Variants in CCDC92 observed in about 807,000 individuals in gnomAD.
The protein encoded by CCDC92 is coiled-coil domain-containing protein 92.
Under a neutral mutation model 24.9 loss-of-function variants are expected in CCDC92, and 12 were observed. That is an observed-to-expected ratio of 0.48 (90% CI 0.31 to 0.78). The LOEUF (loss-of-function observed/expected upper bound fraction) is 0.78, where lower values mean the gene tolerates loss of function less well. CCDC92 is among the 30% of genes least tolerant of loss of function. The pLI, the probability that CCDC92 is intolerant of heterozygous loss-of-function variation, is 0.05. For missense variants in CCDC92, 399 were observed against 439.4 expected (o/e 0.91, Z 0.82); for synonymous variants, 193 against 196.3 (o/e 0.98, Z 0.14).
intron 1 of CCDC92, among the ~76,000 whole-genome samples, chr12:123,957,489 G>A (rs1288358235): frequency 6.6e-6 from 1 of 152,180 alleles, no homozygotes; most frequent in African/African-American, 2.4e-5. Context: ...TGTGATCACT[G>A]CACTGTAAAG....
intron 1 of CCDC92, among the ~76,000 whole-genome samples, chr12:123,957,320 A>T (rs955725551): frequency 6.6e-6 from 1 of 152,224 alleles, no homozygotes; most frequent in Non-Finnish European, 1.5e-5. Flanking sequence ...TTGACTTCCC[A>T]GTTTTCAGAA....
intron 4 of CCDC92, among the ~76,000 whole-genome samples, chr12:123,938,835 C>T (rs1955602216): frequency 6.6e-6 from 1 of 152,136 alleles, no homozygotes; most frequent in Non-Finnish European, 1.5e-5. Flanking sequence ...GATGCAGTCG[C>T]CATCCCTGGC....
intron 4 of CCDC92, among the ~76,000 whole-genome samples, chr12:123,938,453 T>G (rs990080411): frequency 6.6e-6 from 1 of 152,008 alleles, no homozygotes; most frequent in Non-Finnish European, 1.5e-5. Flanking sequence ...GCCCTAACAC[T>G]TCGGGCCTCT....
rs891544062 is a variant in CCDC92 at position 123,936,738 on chromosome 12, G to C, written c.*320C>G. 4.2e-6 allele frequency: 2 copies of C among 479,974 alleles called. No individual in the cohort carries two copies. The highest frequency in any genetic ancestry group is 3.9e-5 in the African/African-American group (2 of 50,998). 29.7% of individuals were successfully genotyped at this position (479,974 alleles called of 1,614,324 possible). A position where few individuals can be genotyped will look rare whatever the true frequency, so the allele number is the denominator to read the frequency against. ...TTGAGAATGAATTAGGTGTGTGACT[G>C]TGTGGCATCGTGAACATCAGTAGTG... On this transcript the variant is annotated 3_prime_UTR_variant, in exon 5 of 5. Coordinates refer to ENST00000238156, the MANE Select transcript of CCDC92 (RefSeq NM_025140.3).
chr12:123,968,875 G>C (rs1196089499), intron 1 of CCDC92, among the ~76,000 whole-genome samples: 1 of 152,224 alleles, frequency 6.6e-6, no homozygotes, highest in Non-Finnish European at 1.5e-5. Flanking sequence ...CATTTAAAAA[G>C]TTAAGTCCAT....
rs1304371472 is a variant in CCDC92, at chr12:123,944,278, C to T, written c.28G>A (p.Asp10Asn). 16 of 1,593,360 alleles carry T rather than the reference C, an allele frequency of 1.0e-5. No individual in the cohort carries two copies. Among genetic ancestry groups the T allele is most frequent in the African/African-American group, 2.7e-5 (2 of 73,604 alleles). Residue 10 changes from aspartate (D) to asparagine (N), a missense_variant, in exon 2 of 5, where the codon GAT (aspartate) becomes AAT (asparagine). By Grantham distance (23) the Asp-to-Asn change is conservative. Transcript: ENST00000238156. MTSPHFSSYDEGPLDVSMAA... is the reference protein window; with the variant it reads MTSPHFSSYNEGPLDVSMAA... ...TCAGGGCCCCAGACTCTACCTTCAT[C>T]GTAACTCGAGAAATGTGGTGAAGTC...
Position 123,937,354 on chromosome 12 carries a change from G to A in CCDC92, c.700C>T (p.Arg234Trp), listed in dbSNP as rs1460952697. The A allele has an allele frequency of 6.8e-6, 11 of 1,613,964 alleles. No homozygotes were observed. Among genetic ancestry groups the A allele is most frequent in the South Asian group, 1.1e-5 (1 of 91,082 alleles). ...TCGGGCATAGCATCCACTGGTTCCC[G>A]CAAAAGGAGTTTCCTGCTCTCTGCC... ...FGAESRKLLL[R>W]EPVDAMPDPT... Residue 234 changes from arginine to tryptophan, a missense_variant, in exon 5 of 5, where the codon CGG (arginine) becomes TGG (tryptophan). By Grantham distance (101) the Arg-to-Trp change is moderately radical (BLOSUM62 -3). Coordinates refer to ENST00000238156, the MANE Select transcript of CCDC92 (RefSeq NM_025140.3). The surrounding 1 kb of genome is among the most constrained non-coding windows in gnomAD (Gnocchi z 8.4).
intron 1 of CCDC92, among the ~76,000 whole-genome samples, chr12:123,951,516 G>C (rs533168599): frequency 7.9e-5 from 12 of 152,230 alleles, no homozygotes; most frequent in Non-Finnish European, 1.5e-4. Flanking sequence ...CTGTGAATGA[G>C]TTATAACAAG....
Position 123,942,787 on chromosome 12 carries a change from T to A in CCDC92, c.182-2A>T. 6.2e-7 allele frequency: 1 copy of A among 1,606,380 alleles called. No homozygotes were observed. The highest frequency in any genetic ancestry group is 8.5e-7 in the Non-Finnish European group (1 of 1,172,886). On this transcript the variant is annotated splice_acceptor_variant, in intron 3 of 4. Coordinates refer to ENST00000238156, the MANE Select transcript of CCDC92 (RefSeq NM_025140.3). LOFTEE classifies it high-confidence loss of function. Reference sequence around the variant, plus strand: ...TGACTGTCAGCTCATATGTTAAATCTAAAAGGGAAATGTTACACATTAATT... The same window carrying A: ...TGACTGTCAGCTCATATGTTAAATCAAAAAGGGAAATGTTACACATTAATT...
chr12:123,937,154 C>G lies in CCDC92; in HGVS notation c.900G>C (p.Pro300=), dbSNP rs749427681. The change falls in exon 5 of 5, where the codon CCG becomes CCC. Residue 300 remains proline, a synonymous_variant. Coordinates refer to ENST00000238156, the MANE Select transcript of CCDC92 (RefSeq NM_025140.3). This position sits in a 1 kb window ranked among gnomAD's most constrained non-coding sequence, Gnocchi z 8.4. ...TCTTCACCTCGGGCTGGGCCTGCGG[C>G]GGGGTGGCGTGGTGGATCCGATGTG... ...GVAHRIHHAT[P]PQAQPEVKTL... 3 of 1,611,676 alleles carry G rather than the reference C, an allele frequency of 1.9e-6. No individual in the cohort carries two copies. The highest frequency in any genetic ancestry group is 2.5e-6 in the Non-Finnish European group (3 of 1,179,864).
At position 123,938,330 on chromosome 12, in the gene CCDC92, C is replaced by T. The variant is rs1028506695; in HGVS notation, c.224-500G>A. 7.2e-5 allele frequency among the ~76,000 whole-genome samples: 11 copies of T among 152,214 alleles called. No individual in the cohort carries two copies. In the South Asian group the frequency reaches 1.0e-3, roughly 14 times the overall value. On this transcript the variant is annotated intron_variant, in intron 4 of 4. Coordinates refer to ENST00000238156, the MANE Select transcript of CCDC92 (RefSeq NM_025140.3). Reference sequence around the variant, plus strand: ...CTGCCGCTGGCCGCCTCTCTCACCCCCCTACCCCCGTCTCTCTCACACACA... The same window carrying T: ...CTGCCGCTGGCCGCCTCTCTCACCCTCCTACCCCCGTCTCTCTCACACACA...
Position 123,936,908 on chromosome 12 carries a change from TGAA to T in CCDC92, c.*147_*149del. 1 of 824,610 alleles carries T rather than the reference TGAA, an allele frequency of 1.2e-6. No homozygotes were observed. The highest frequency in any genetic ancestry group is 1.9e-6 in the Non-Finnish European group (1 of 530,364). 51.1% of individuals were successfully genotyped at this position (824,610 alleles called of 1,614,324 possible). ...GCAGGGACACGATCATATTTTGGTG[TGAA>T]GAAGAGGGCAAGAGAAGCAGAAGGA... On this transcript the variant is annotated 3_prime_UTR_variant, in exon 5 of 5. Coordinates refer to ENST00000238156, the MANE Select transcript of CCDC92 (RefSeq NM_025140.3).
intron 1 of CCDC92, among the ~76,000 whole-genome samples, chr12:123,950,287 G>A (rs1327001764): frequency 3.9e-5 from 6 of 152,154 alleles, no homozygotes; most frequent in African/African-American, 1.4e-4. Context: ...CTTTTGGCCC[G>A]GAAGGGAAAG....
At chr12:123,947,031 C>T (rs942195245) in intron 1 of CCDC92, among the ~76,000 whole-genome samples, 32 of 152,160 alleles carry the variant, frequency 2.1e-4, no homozygotes, top group Non-Finnish European at 4.1e-4. Flanking sequence ...TGGCGGGCCC[C>T]GCACTCAGAG....
intron 1 of CCDC92, chr12:123,944,603 G>A (rs571485173): frequency 2.0e-5 from 7 of 344,440 alleles, no homozygotes; most frequent in South Asian, 7.8e-5. Context: ...TTATCTGTAC[G>A]ACCAGTGACA....
chr12:123,937,669 T>A lies in CCDC92; in HGVS notation c.385A>T (p.Lys129Ter). Residue 129 changes from lysine to a stop codon, truncating the protein, a stop_gained, in exon 5 of 5, where the codon AAG becomes TAG. Coordinates refer to ENST00000238156, the MANE Select transcript of CCDC92 (RefSeq NM_025140.3). LOFTEE classifies it high-confidence loss of function. The surrounding 1 kb of genome is among the most constrained non-coding windows in gnomAD (Gnocchi z 8.4). Reference sequence around the variant, plus strand: ...TTGGCCTTCAGCTCCTCCAGGTACTTCTTCTCTCGCTCCTTGATGGTGTTC... The same window carrying A: ...TTGGCCTTCAGCTCCTCCAGGTACTACTTCTCTCGCTCCTTGATGGTGTTC... Reference protein sequence around the residue: ...LENTIKEREKKYLEELKAKSH... With the variant: ...LENTIKEREK The A allele has an allele frequency of 1.2e-6, 2 of 1,614,092 alleles. No homozygotes were observed. Among genetic ancestry groups the A allele is most frequent in the Non-Finnish European group, 8.5e-7 (1 of 1,180,036 alleles).
chr12:123,970,326 C>T (rs1211947890), intron 1 of CCDC92: 2 of 152,232 alleles, frequency 1.3e-5, no homozygotes, highest in Admixed American at 6.5e-5. Flanking sequence ...CCCAAAAGCC[C>T]CTAGGGAAGG....
intron 1 of CCDC92, among the ~76,000 whole-genome samples, chr12:123,961,485 T>C (rs545275494): frequency 1.3e-5 from 2 of 152,316 alleles, no homozygotes; most frequent in East Asian, 3.9e-4. Context: ...AAGATGATTC[T>C]GGGGAATGGT....
chr12:123,945,990 A>AGCCATTTCCAG (rs1955842881), intron 1 of CCDC92: 1 of 176,546 alleles, frequency 5.7e-6, no homozygotes, highest in Non-Finnish European at 1.2e-5. Context: ...ATCCCCCGCC[A>AGCCATTTCCAG]TCCATTTCCA....
Sources: gnomAD v4.1 joint callset for allele counts (sites outside exome capture counted in the v4.1 genomes callset) on GRCh38, gnomAD v4.1.1 for gene constraint, Gnocchi (gnomAD v3.1) non-coding constraint, MANE v1.5 for transcripts, NCBI Gene and HGNC (gene_info 2026-07-23, HGNC 2026-07-21) for gene names.